Variants in ANKS1B observed in about 807,000 individuals in gnomAD.
ANKS1B encodes the protein ankyrin repeat and sterile alpha motif domain containing 1B, also known as ankyrin repeat and sterile alpha motif domain-containing protein 1B.
In ANKS1B, 36 loss-of-function variants were observed where a neutral mutation model predicts 148.3. The observed-to-expected ratio is 0.24, with a 90% CI of 0.19 to 0.32. The LOEUF is 0.32. ANKS1B is among the 10% of genes least tolerant of loss of function. The pLI, the probability that ANKS1B is intolerant of heterozygous loss-of-function variation, is 1.00. For missense variants in ANKS1B, 1,157 were observed against 1,542.6 expected (o/e 0.75, Z 4.19); for synonymous variants, 542 against 560.8 (o/e 0.97, Z 0.47).
chr12:99,317,455 GCTCT>G (rs935488428), intron 12 of ANKS1B, among the ~76,000 whole-genome samples: 1 of 152,150 alleles, frequency 6.6e-6, no homozygotes, highest in African/African-American at 2.4e-5. Flanking sequence ...TCATGATTTG[GCTCT>G]CTGTTTGTCT....
intron 17 of ANKS1B, chr12:98,894,975 C>T: frequency 1.2e-6 from 1 of 823,746 alleles, no homozygotes; most frequent in Non-Finnish European, 1.5e-6. Context: ...ACGCGGCGCG[C>T]GCCTGCCCTG....
intron 11 of ANKS1B, among the ~76,000 whole-genome samples, chr12:99,422,421 A>G (rs893727933): frequency 6.6e-6 from 1 of 152,204 alleles, no homozygotes; most frequent in East Asian, 1.9e-4. Context: ...AGAACTTCCT[A>G]TGAAGACATA....
chr12:99,488,776 ATATTTTCTTTGCTTTTCAGCAC>A (rs2152959186), intron 10 of ANKS1B, among the ~76,000 whole-genome samples: 1 of 152,272 alleles, frequency 6.6e-6, no homozygotes, highest in Non-Finnish European at 1.5e-5. Context: ...GAGCATCAAG[ATATTTTCTTTGCTTTTCAGCAC>A]AAGTAACGTT....
intron 12 of ANKS1B, among the ~76,000 whole-genome samples, chr12:99,346,840 C>A (rs1436054923): frequency 6.6e-6 from 1 of 151,966 alleles, no homozygotes; most frequent in African/African-American, 2.4e-5. Flanking sequence ...GACGTGCCTG[C>A]TTCCCCTTCA....
chr12:98,757,833 C>G (rs1418703634), intron 25 of ANKS1B, among the ~76,000 whole-genome samples: 1 of 152,200 alleles, frequency 6.6e-6, no homozygotes, highest in Admixed American at 6.5e-5. Flanking sequence ...GTCTTTCTAG[C>G]ATAAGTCTTT....
At chr12:98,957,732 T>C (rs2099864853) in intron 17 of ANKS1B, among the ~76,000 whole-genome samples, 1 of 152,174 alleles carries the variant, frequency 6.6e-6, no homozygotes, top group Non-Finnish European at 1.5e-5. Flanking sequence ...TAAGTTTGCA[T>C]AGCTAGCTTA....
intron 14 of ANKS1B, among the ~76,000 whole-genome samples, chr12:99,213,750 G>C (rs910950292): frequency 4.5e-4 from 69 of 152,128 alleles, no homozygotes; most frequent in African/African-American, 1.6e-3. Context: ...ATGGGAATGT[G>C]GCTTACATAG....
At chr12:99,628,473 A>G (rs2153391080) in intron 9 of ANKS1B, among the ~76,000 whole-genome samples, 1 of 152,308 alleles carries the variant, frequency 6.6e-6, no homozygotes, top group African/African-American at 2.4e-5. Context: ...TTACATGTGA[A>G]AAATACTTTT....
intron 12 of ANKS1B, among the ~76,000 whole-genome samples, chr12:99,313,046 AAAGAG>A (rs2083408845): frequency 6.6e-6 from 1 of 152,172 alleles, no homozygotes; most frequent in African/African-American, 2.4e-5. Flanking sequence ...AAGGAAGAAA[AAAGAG>A]AAGAATCAAA....
chr12:99,379,016 C>T (rs772289686), intron 12 of ANKS1B, among the ~76,000 whole-genome samples: 1 of 152,140 alleles, frequency 6.6e-6, no homozygotes, highest in South Asian at 2.1e-4. Context: ...CTGGCCTTTA[C>T]ATGATGGATA....
At chr12:99,146,406 T>C (rs2073115942) in intron 15 of ANKS1B, among the ~76,000 whole-genome samples, 1 of 152,036 alleles carries the variant, frequency 6.6e-6, no homozygotes. Flanking sequence ...CTGGGGGAAG[T>C]GATGCTTAAG....
At chr12:99,160,949 CATA>C (rs2076598060) in intron 14 of ANKS1B, among the ~76,000 whole-genome samples, 1 of 152,032 alleles carries the variant, frequency 6.6e-6, no homozygotes, top group South Asian at 2.1e-4. Context: ...AGCCTTATAG[CATA>C]GTTTGAAGTC....
chr12:99,747,441 G>A (rs1266214480), intron 8 of ANKS1B, among the ~76,000 whole-genome samples: 1 of 151,964 alleles, frequency 6.6e-6, no homozygotes, highest in Admixed American at 6.6e-5. Flanking sequence ...CTTTTTCCCA[G>A]AGAAATGCAA....
intron 17 of ANKS1B, among the ~76,000 whole-genome samples, chr12:98,932,585 A>G (rs1370679971): frequency 6.6e-6 from 1 of 152,108 alleles, no homozygotes; most frequent in African/African-American, 2.4e-5. Context: ...GAAAAATAGT[A>G]TTTCATCTGT....
At chr12:99,034,518 G>A (rs1259235532) in intron 17 of ANKS1B, among the ~76,000 whole-genome samples, 1 of 152,126 alleles carries the variant, frequency 6.6e-6, no homozygotes, top group Non-Finnish European at 1.5e-5. Flanking sequence ...GTTTCGCCAT[G>A]TTGCCCAGGC....
intron 25 of ANKS1B, among the ~76,000 whole-genome samples, chr12:98,771,974 AC>A (rs2098589787): frequency 6.6e-6 from 1 of 152,200 alleles, no homozygotes. Context: ...AGGCTGTAAG[AC>A]CTTTACTATG....
At chr12:99,094,041 G>A (rs1286563151) in intron 15 of ANKS1B, among the ~76,000 whole-genome samples, 1 of 152,216 alleles carries the variant, frequency 6.6e-6, no homozygotes, top group Non-Finnish European at 1.5e-5. Context: ...GCAGAGTCCA[G>A]TCCAGAGCTA....
intron 8 of ANKS1B, among the ~76,000 whole-genome samples, chr12:99,745,186 A>G (rs956798242): frequency 1.3e-5 from 2 of 151,884 alleles, no homozygotes; most frequent in African/African-American, 4.8e-5. Context: ...AACAAAGAGA[A>G]TAAGGAAACA....
intron 15 of ANKS1B, among the ~76,000 whole-genome samples, chr12:99,092,485 A>C (rs1003645610): frequency 2.0e-5 from 3 of 152,194 alleles, no homozygotes; most frequent in Admixed American, 6.5e-5. Context: ...AAAAAAAAAA[A>C]AAAAACTTCC....
Sources: gnomAD v4.1 joint callset for allele counts (sites outside exome capture counted in the v4.1 genomes callset) on GRCh38, gnomAD v4.1.1 for gene constraint, MANE v1.5 for transcripts, NCBI Gene and HGNC (gene_info 2026-07-23, HGNC 2026-07-21) for gene names.